NCOA2: variants seen among roughly 807,000 people sequenced by gnomAD.
NCOA2 encodes class E basic helix-loop-helix protein 75.
In NCOA2, 21 loss-of-function variants were observed where a neutral mutation model predicts 145.1. The observed-to-expected ratio is 0.14, with a 90% confidence interval of 0.10 to 0.21. NCOA2 has a LOEUF of 0.21. NCOA2 is among the 10% of genes least tolerant of loss of function. NCOA2 has a pLI of 1.00. For missense variants in NCOA2, 1,472 were observed against 1,837.6 expected (o/e 0.80, Z 3.64); for synonymous variants, 619 against 637.5 (o/e 0.97, Z 0.44).
chr8:70,180,369 T>C lies in NCOA2; in HGVS notation c.260-5510A>G, dbSNP rs144914437. ...TGAACAGCAATCCCTCACAATCTCC[T>C]TCTCCATTTGCCCGCGCTCCAGAAA... On this transcript the variant is annotated intron_variant, in intron 4 of 22. Transcript: ENST00000452400. Among the ~76,000 whole-genome samples the C allele has an allele frequency of 2.6e-5, 4 of 152,314 alleles. No individual in the cohort carries two copies. In the East Asian group the frequency reaches 7.7e-4, roughly 29 times the overall value.
Position 70,124,828 on chromosome 8 carries a change from A to G in NCOA2, c.3954T>C (p.Ala1318=), listed in dbSNP as rs1327224782. 3.1e-6 allele frequency: 5 copies of G among 1,609,148 alleles called. No individual in the cohort carries two copies. Among genetic ancestry groups the G allele is most frequent in the Non-Finnish European group, 3.4e-6 (4 of 1,178,462 alleles). ...ACATAAGTGGGCTCTGGGGAGTCGT[A>G]GCCCCAGTAAAGCCTGGATCAGGTT... ...SQQPDPGFTG[A]TTPQSPLMSP... Residue 1318 remains alanine, a synonymous_variant, in exon 20 of 23, where the codon GCT becomes GCC. Coordinates refer to ENST00000452400, the MANE Select transcript of NCOA2 (RefSeq NM_006540.4).
chr8:70,298,096 A>G (rs6472517), intron 1 of NCOA2, among the ~76,000 whole-genome samples: 43,654 of 152,116 alleles, frequency 0.29, 8,589 homozygotes, highest in East Asian at 0.57. Flanking sequence ...TCTTCCTTCA[A>G]ATGACATCCA....
intron 1 of NCOA2, among the ~76,000 whole-genome samples, chr8:70,316,707 G>A (rs751654627): frequency 7.2e-5 from 11 of 152,158 alleles, no homozygotes; most frequent in Non-Finnish European, 1.3e-4. Flanking sequence ...GTCTTCCTGA[G>A]CCAGTGTAAT....
At chr8:70,167,110 T>C (rs958507902) in intron 6 of NCOA2, among the ~76,000 whole-genome samples, 1 of 152,260 alleles carries the variant, frequency 6.6e-6, no homozygotes, top group Non-Finnish European at 1.5e-5. Context: ...TATAGTTTTC[T>C]ACTTTTGCGT....
At chr8:70,148,630 T>C (rs1811386814) in intron 11 of NCOA2, 147 bp from the exon 12 acceptor site, 3 of 658,896 alleles carry the variant, frequency 4.6e-6, no homozygotes, top group South Asian at 4.0e-5. Flanking sequence ...TAACAGATAA[T>C]TGATCATCTT....
chr8:70,341,358 G>A (rs1808128356), intron 1 of NCOA2, among the ~76,000 whole-genome samples: 1 of 152,172 alleles, frequency 6.6e-6, no homozygotes, highest in South Asian at 2.1e-4. Context: ...CAGCACTCCA[G>A]CCCAGGTGAC....
At chr8:70,142,954 GTT>G (rs757671722) in intron 13 of NCOA2, among the ~76,000 whole-genome samples, 5 of 140,446 alleles carry the variant, frequency 3.6e-5, no homozygotes, top group Admixed American at 7.1e-5. Context: ...TGTTTTTTTT[GTT>G]TTTTTTTTTT....
chr8:70,367,907 C>G (rs912834316), intron 1 of NCOA2, among the ~76,000 whole-genome samples: 1 of 152,150 alleles, frequency 6.6e-6, no homozygotes, highest in Non-Finnish European at 1.5e-5. Flanking sequence ...AATTCTATGA[C>G]TTAATTCTGT....
the NCOA2 span, among the ~76,000 whole-genome samples, chr8:70,453,044 G>A: frequency 6.6e-6 from 1 of 152,192 alleles, no homozygotes; most frequent in Non-Finnish European, 1.5e-5. Flanking sequence ...AGATTCTCTT[G>A]AAGAGTAAGG....
At chr8:70,375,318 T>A (rs752901461) in intron 1 of NCOA2, among the ~76,000 whole-genome samples, 3 of 152,198 alleles carry the variant, frequency 2.0e-5, no homozygotes, top group Non-Finnish European at 2.9e-5. Flanking sequence ...CAACTCCGTA[T>A]GCCAAAAATG....
chr8:70,144,493 C>T, intron 13 of NCOA2, 149 bp downstream of exon 13: 1 of 679,712 alleles, frequency 1.5e-6, no homozygotes, highest in Non-Finnish European at 2.5e-6. Flanking sequence ...GCCATTCTCA[C>T]AGTGAAAATC....
chr8:70,181,339 T>C (rs182264118), intron 4 of NCOA2, among the ~76,000 whole-genome samples: 11 of 152,306 alleles, frequency 7.2e-5, no homozygotes, highest in Admixed American at 2.0e-4. Flanking sequence ...TCTTGCTTTT[T>C]CCTTTTTTGG....
intron 1 of NCOA2, among the ~76,000 whole-genome samples, chr8:70,319,665 A>G (rs1420039106): frequency 6.6e-6 from 1 of 152,234 alleles, no homozygotes; most frequent in African/African-American, 2.4e-5. Context: ...GATCTGAGAT[A>G]ATCTTTGGTA....
At chr8:70,191,586 A>C (rs927431354) in intron 4 of NCOA2, among the ~76,000 whole-genome samples, 3 of 152,334 alleles carry the variant, frequency 2.0e-5, no homozygotes, top group Admixed American at 1.3e-4. Context: ...TTACCTATAC[A>C]GTGGCCTTTG....
chr8:70,304,328 A>G (rs1827718234), intron 1 of NCOA2, among the ~76,000 whole-genome samples: 1 of 152,232 alleles, frequency 6.6e-6, no homozygotes, highest in Non-Finnish European at 1.5e-5. Context: ...AACATGCTAC[A>G]CAGGTTTGTA....
chr8:70,432,471 G>A, the NCOA2 span, among the ~76,000 whole-genome samples: 1 of 152,090 alleles, frequency 6.6e-6, no homozygotes, highest in Non-Finnish European at 1.5e-5. Context: ...AGATCAGCCT[G>A]GGCAACAAAG....
chr8:70,430,449 G>A, the NCOA2 span, among the ~76,000 whole-genome samples: 6 of 152,138 alleles, frequency 3.9e-5, no homozygotes, highest in Non-Finnish European at 2.9e-5. Flanking sequence ...GTTAATTACA[G>A]TGGGTAAATT....
chr8:70,313,275 G>A (rs1165164515), intron 1 of NCOA2, among the ~76,000 whole-genome samples: 1 of 151,994 alleles, frequency 6.6e-6, no homozygotes, highest in Non-Finnish European at 1.5e-5. Context: ...ATTCCCAAAG[G>A]GATTAGGCAT....
At chr8:70,338,205 AAAG>A (rs1241237819) in intron 1 of NCOA2, among the ~76,000 whole-genome samples, 11 of 152,168 alleles carry the variant, frequency 7.2e-5, no homozygotes, top group Non-Finnish European at 1.6e-4. Context: ...CTAGACTAAT[AAAG>A]AAGAAAATCT....
Sources: gnomAD v4.1 joint callset for allele counts (sites outside exome capture counted in the v4.1 genomes callset) on GRCh38, gnomAD v4.1.1 for gene constraint, MANE v1.5 for transcripts, NCBI Gene and HGNC (gene_info 2026-07-23, HGNC 2026-07-21) for gene names.